Variants in TAF1B observed in about 807,000 individuals in gnomAD.
TAF1B encodes the protein TATA box-binding protein-associated factor RNA polymerase I subunit B.
In TAF1B, 61 loss-of-function variants were observed where a neutral mutation model predicts 83.9. The ratio of observed to expected loss-of-function variants is 0.73; its 90% confidence interval spans 0.59 to 0.90. The LOEUF (loss-of-function observed/expected upper bound fraction) is 0.90. Among genes scored for constraint, TAF1B ranks in the 40% least tolerant of loss-of-function variants. The pLI is 0.00. For missense variants in TAF1B, 625 were observed against 677.0 expected, an observed-to-expected ratio of 0.92 and a Z score of 0.85; for synonymous variants, 221 against 224.6, an observed-to-expected ratio of 0.98 and a Z score of 0.14.
At chr2:9,917,968 A>C (rs1318618904) in intron 12 of TAF1B, among the ~76,000 whole-genome samples, 1 of 151,054 alleles carries the variant, frequency 6.6e-6, no homozygotes. Context: ...GCTACTTGGG[A>C]GGCTGAGGCA....
At chr2:9,849,604 C>A in intron 3 of TAF1B, 144 bp downstream of exon 3, 1 of 509,888 alleles carries the variant, frequency 2.0e-6, no homozygotes, top group Non-Finnish European at 3.3e-6. Context: ...TATCCTATGT[C>A]TGTATTCATT....
In TAF1B at chr2:9,910,718, T is replaced by G. The variant is rs1558262859; in HGVS notation, c.956-18T>G. 6.3e-7 allele frequency: 1 copy of G among 1,597,180 alleles called. No homozygotes were observed. The highest frequency in any genetic ancestry group is 2.2e-5 in the East Asian group (1 of 44,626). The stretch of plus-strand genomic sequence containing the variant: ...TCTAGTTGGCAAATAATTTACATTT[T>G]ACTGTTTTGTTCTTCAGATGAAATG... On this transcript the variant is annotated intron_variant, in intron 9 of 14. Transcript: ENST00000263663.
chr2:9,889,365 T>C (rs1013080229), intron 8 of TAF1B, among the ~76,000 whole-genome samples: 3 of 152,156 alleles, frequency 2.0e-5, no homozygotes, highest in Admixed American at 1.3e-4. Flanking sequence ...TACTTGAGTA[T>C]CTTCTAATGT....
intron 8 of TAF1B, among the ~76,000 whole-genome samples, chr2:9,902,307 T>C (rs1391644599): frequency 6.6e-6 from 1 of 151,448 alleles, no homozygotes; most frequent in Non-Finnish European, 1.5e-5. Flanking sequence ...ATAGACAGTG[T>C]GATGAATTTT....
intron 2 of TAF1B, among the ~76,000 whole-genome samples, chr2:9,848,865 GTT>G (rs1364565317): frequency 6.6e-6 from 1 of 152,110 alleles, no homozygotes; most frequent in Non-Finnish European, 1.5e-5. Flanking sequence ...TCATTCTAAA[GTT>G]CTCTAAGTTT....
intron 4 of TAF1B, chr2:9,852,180 G>A (rs554174812): frequency 2.2e-4 from 79 of 357,712 alleles, no homozygotes; most frequent in African/African-American, 1.6e-3. Flanking sequence ...TATGTCTGGA[G>A]TAGAGCCCAA....
At chr2:9,848,494 T>C (rs1281025779) in intron 2 of TAF1B, among the ~76,000 whole-genome samples, 1 of 152,062 alleles carries the variant, frequency 6.6e-6, no homozygotes, top group Non-Finnish European at 1.5e-5. Context: ...TGGAGAAACC[T>C]CGTCTCTACT....
At chr2:9,918,948 C>G (rs540413348) in intron 12 of TAF1B, 93 bp from the exon 13 acceptor site, 1 of 1,108,388 alleles carries the variant, frequency 9.0e-7, no homozygotes, top group East Asian at 2.4e-5. Flanking sequence ...AGAGCTATAA[C>G]GAAATATCAG....
chr2:9,928,860 C>T (rs943581437), intron 14 of TAF1B, among the ~76,000 whole-genome samples: 1 of 152,130 alleles, frequency 6.6e-6, no homozygotes, highest in Non-Finnish European at 1.5e-5. Context: ...TTTCTTTCTC[C>T]TGCCTGATTG....
At chr2:9,890,241 C>T (rs1399386455) in intron 8 of TAF1B, among the ~76,000 whole-genome samples, 7 of 152,158 alleles carry the variant, frequency 4.6e-5, no homozygotes, top group South Asian at 2.1e-4. Context: ...AGTGTCCATG[C>T]TGTCTGTTGT....
At chr2:9,902,796 GC>G (rs1665222552) in intron 8 of TAF1B, among the ~76,000 whole-genome samples, 1 of 152,162 alleles carries the variant, frequency 6.6e-6, no homozygotes, top group African/African-American at 2.4e-5. Flanking sequence ...AGGTACATAT[GC>G]TCAACTTTAA....
chr2:9,846,516 A>G (rs1463827604), intron 2 of TAF1B, among the ~76,000 whole-genome samples: 2 of 152,220 alleles, frequency 1.3e-5, no homozygotes, highest in African/African-American at 2.4e-5. Context: ...AACTGTGTAG[A>G]CTTCTGCTTC....
At chr2:9,882,109 C>A (rs980716782) in intron 7 of TAF1B, among the ~76,000 whole-genome samples, 5 of 144,436 alleles carry the variant, frequency 3.5e-5, no homozygotes, top group African/African-American at 1.3e-4. Context: ...TTCTTGAACA[C>A]TTTTTTTTTT....
chr2:9,894,520 C>T (rs1453023310), intron 8 of TAF1B, among the ~76,000 whole-genome samples: 1 of 152,148 alleles, frequency 6.6e-6, no homozygotes, highest in Non-Finnish European at 1.5e-5. Context: ...AGTTCATATT[C>T]TTACCAGTAT....
At chr2:9,859,303 C>T (rs1473155728) in intron 5 of TAF1B, among the ~76,000 whole-genome samples, 3 of 152,004 alleles carry the variant, frequency 2.0e-5, no homozygotes, top group African/African-American at 7.2e-5. Flanking sequence ...GCAAGAGTAA[C>T]CTTTACTCCA....
intron 7 of TAF1B, among the ~76,000 whole-genome samples, chr2:9,879,408 C>T (rs1664424673): frequency 6.6e-6 from 1 of 152,156 alleles, no homozygotes; most frequent in Non-Finnish European, 1.5e-5. Flanking sequence ...GGACCCGCAT[C>T]TCAGGTGGGT....
chr2:9,866,566 C>T (rs965808959), intron 5 of TAF1B, among the ~76,000 whole-genome samples: 1 of 152,174 alleles, frequency 6.6e-6, no homozygotes, highest in Non-Finnish European at 1.5e-5. Context: ...TACCATTTGA[C>T]CCAGCCATCC....
At chr2:9,923,821 C>G (rs1445369346) in intron 14 of TAF1B, among the ~76,000 whole-genome samples, 4 of 152,112 alleles carry the variant, frequency 2.6e-5, no homozygotes, top group Admixed American at 2.6e-4. Context: ...CAGATTTTAT[C>G]CTGAAGAGGA....
intron 5 of TAF1B, among the ~76,000 whole-genome samples, chr2:9,864,844 G>A (rs1663913037): frequency 6.6e-6 from 1 of 152,106 alleles, no homozygotes; most frequent in Non-Finnish European, 1.5e-5. Context: ...AAAACCACAT[G>A]ATTATCTCAA....
Sources: allele counts gnomAD v4.1 joint callset (sites outside exome capture counted in the v4.1 genomes callset), GRCh38; gene constraint gnomAD v4.1.1; transcripts MANE v1.5; gene names NCBI Gene and HGNC (gene_info 2026-07-23, HGNC 2026-07-21).